Variants in FNDC3A observed in about 807,000 individuals in gnomAD.
FNDC3A encodes the protein fibronectin type-III domain-containing protein 3A.
In FNDC3A, 32 loss-of-function variants were observed where a neutral mutation model predicts 148.9. The ratio of observed to expected loss-of-function variants is 0.21; its 90% CI spans 0.16 to 0.29. FNDC3A has a LOEUF of 0.29. FNDC3A is among the 10% of genes least tolerant of loss of function. The pLI, the probability that FNDC3A is intolerant of heterozygous loss-of-function variation, is 1.00. For synonymous variants in FNDC3A, 472 were observed against 473.6 expected, an observed-to-expected ratio of 1.00 and a Z score of 0.04; for missense variants, 1,191 against 1,452.8, an observed-to-expected ratio of 0.82 and a Z score of 2.93.
intron 5 of FNDC3A, among the ~76,000 whole-genome samples, chr13:49,132,933 C>G (rs1424875651): frequency 6.6e-6 from 1 of 152,178 alleles, no homozygotes. Context: ...ACTATCAACT[C>G]CCTAAGAACT....
chr13:49,059,067 G>T (rs1876464941), intron 2 of FNDC3A, among the ~76,000 whole-genome samples: 1 of 152,146 alleles, frequency 6.6e-6, no homozygotes, highest in Non-Finnish European at 1.5e-5. Flanking sequence ...CTCACAAAAT[G>T]TTAGATACAT....
chr13:49,105,702 G>T (rs1008486279), intron 3 of FNDC3A, among the ~76,000 whole-genome samples: 1 of 152,104 alleles, frequency 6.6e-6, no homozygotes, highest in African/African-American at 2.4e-5. Context: ...AATTAGTACT[G>T]CTATGAATGT....
intron 1 of FNDC3A, among the ~76,000 whole-genome samples, chr13:48,992,541 T>A (rs1158914845): frequency 1.3e-5 from 2 of 152,130 alleles, no homozygotes; most frequent in African/African-American, 2.4e-5. Context: ...GAAAACAACA[T>A]CATTGTTCAT....
intron 9 of FNDC3A, 24 bp from the exon 10 acceptor site, chr13:49,168,589 A>C (rs1446923403): frequency 6.3e-7 from 1 of 1,583,580 alleles, no homozygotes; most frequent in Admixed American, 1.7e-5. Context: ...ATGAAAGGTA[A>C]AACTATTTAT....
At chr13:49,144,596 G>A (rs1409651329) in intron 7 of FNDC3A, among the ~76,000 whole-genome samples, 1 of 152,098 alleles carries the variant, frequency 6.6e-6, no homozygotes, top group East Asian at 1.9e-4. Flanking sequence ...TCACCAATCT[G>A]TAAACCTTAT....
chr13:49,055,360 C>T (rs376907088), intron 2 of FNDC3A, among the ~76,000 whole-genome samples: 1 of 151,726 alleles, frequency 6.6e-6, no homozygotes, highest in Non-Finnish European at 1.5e-5. Flanking sequence ...TCTGAATAGA[C>T]CCCCACCTCT....
At position 49,126,155 on chromosome 13, in the gene FNDC3A, C is replaced by T. The variant is rs1294092912; in HGVS notation, c.253-4982C>T. Among the ~76,000 whole-genome samples the T allele has an allele frequency of 2.0e-5, 3 of 151,982 alleles. No individual in the cohort carries two copies. In the East Asian group the frequency reaches 5.8e-4, roughly 29 times the overall value. ...AGCAAATAGTTTTGAAGTCTGTTGC[C>T]TTCCTCTGAAGTTACTGGCTGCTTG... On this transcript the variant is annotated intron_variant, in intron 4 of 25. Transcript: ENST00000492622.
chr13:49,192,119 G>A (rs1885918456), intron 19 of FNDC3A, among the ~76,000 whole-genome samples: 1 of 152,124 alleles, frequency 6.6e-6, no homozygotes, highest in Admixed American at 6.5e-5. Context: ...GGACAAAGCA[G>A]TAATTTCCTA....
intron 2 of FNDC3A, among the ~76,000 whole-genome samples, chr13:49,022,424 G>A (rs1873395058): frequency 6.6e-6 from 1 of 152,090 alleles, no homozygotes; most frequent in Non-Finnish European, 1.5e-5. Context: ...AAATAAGAAG[G>A]AAAACTTTCA....
intron 2 of FNDC3A, among the ~76,000 whole-genome samples, chr13:49,037,134 A>G (rs1271563665): frequency 1.3e-5 from 2 of 152,196 alleles, no homozygotes; most frequent in South Asian, 2.1e-4. Context: ...GCTAGAGGCA[A>G]GTCCTTAAAT....
chr13:49,019,630 A>G (rs530397057), intron 2 of FNDC3A, among the ~76,000 whole-genome samples: 4 of 152,224 alleles, frequency 2.6e-5, no homozygotes, highest in African/African-American at 4.8e-5. Flanking sequence ...CTCCTCCCCT[A>G]CATTAATTTT....
chr13:49,190,710 T>C (rs1321552897), intron 17 of FNDC3A, among the ~76,000 whole-genome samples: 1 of 152,180 alleles, frequency 6.6e-6, no homozygotes, highest in East Asian at 1.9e-4. Context: ...GTGTTGGAAG[T>C]TGTTTTTTTC....
Position 49,197,882 on chromosome 13 carries a change from T to G in FNDC3A, c.2490+8T>G. 1 of 1,595,800 alleles carries G rather than the reference T, an allele frequency of 6.3e-7. No individual in the cohort carries two copies. ...TATTATTGCAGGGTCCAGGTAAAGA[T>G]GATCAGTACCTTGTCACTTAACTCT... is the stretch of plus-strand genomic sequence containing the variant. On this transcript the variant is annotated splice_region_variant and intron_variant, in intron 21 of 25. Coordinates refer to ENST00000492622, the MANE Select transcript of FNDC3A (RefSeq NM_001079673.2).
chr13:49,093,385 T>G (rs1338946170), intron 3 of FNDC3A, among the ~76,000 whole-genome samples: 1 of 152,212 alleles, frequency 6.6e-6, no homozygotes, highest in Non-Finnish European at 1.5e-5. Context: ...AGAAAGTGAC[T>G]TTGTTATTTA....
intron 3 of FNDC3A, among the ~76,000 whole-genome samples, chr13:49,076,540 C>T (rs776807366): frequency 2.2e-4 from 34 of 151,942 alleles, no homozygotes; most frequent in Admixed American, 1.2e-3. Flanking sequence ...CCTCTGTACC[C>T]AGCTCTCGGT....
intron 8 of FNDC3A, among the ~76,000 whole-genome samples, chr13:49,163,327 G>A (rs1593689724): frequency 1.3e-5 from 2 of 152,188 alleles, no homozygotes; most frequent in East Asian, 3.9e-4. Flanking sequence ...ACCTACTCAA[G>A]CCTCAGTAAT....
chr13:49,138,879 G>GT, intron 7 of FNDC3A, 74 bp downstream of exon 7: 6 of 838,768 alleles, frequency 7.2e-6, no homozygotes, highest in African/African-American at 3.5e-5. Context: ...TCAAAATGTA[G>GT]TTTTTTTCTT....
In FNDC3A at chr13:49,198,090, A is replaced by G. The variant is rs1450626892; in HGVS notation, c.2599A>G (p.Ile867Val). ...TCTTCAAGAAATAAGCGATGATGAG[A>G]TAGAAAATCCCCATTATTCACCTTC... is the stretch of plus-strand genomic sequence containing the variant. ...TCLQEISDDEIENPHYSPSTC... is the reference protein window; with the variant it reads ...TCLQEISDDEVENPHYSPSTC... The change falls in exon 22 of 26, where the codon ATA (isoleucine) becomes GTA (valine). Residue 867 changes from isoleucine to valine, a missense_variant. Ile to Val is a conservative substitution (Grantham distance 29). Around this residue, in one of 3 missense-constraint regions of FNDC3A, gnomAD observed 751 missense variants for 944.0 expected, o/e 0.80. Coordinates refer to ENST00000492622, the MANE Select transcript of FNDC3A (RefSeq NM_001079673.2). The G allele has an allele frequency of 1.9e-6, 3 of 1,614,172 alleles. No homozygotes were observed. In the Admixed American group the frequency reaches 5.0e-5, roughly 27 times the overall value.
chr13:49,048,086 C>T (rs895040156), intron 2 of FNDC3A, among the ~76,000 whole-genome samples: 2 of 152,020 alleles, frequency 1.3e-5, no homozygotes, highest in Non-Finnish European at 2.9e-5. Context: ...TGTTTGCTTT[C>T]TTGAAGATTA....
Sources: allele counts gnomAD v4.1 joint callset (sites outside exome capture counted in the v4.1 genomes callset), GRCh38; gene constraint gnomAD v4.1.1; regional missense constraint gnomAD v4.1.1; transcripts MANE v1.5; gene names NCBI Gene and HGNC (gene_info 2026-07-23, HGNC 2026-07-21).